PLCL1: variants seen among roughly 807,000 people sequenced by gnomAD.
PLCL1 encodes inactive phospholipase C-like protein 1.
Under a neutral mutation model 84.4 loss-of-function variants are expected in PLCL1, and 41 were observed. The observed-to-expected ratio is 0.49, with a 90% CI of 0.38 to 0.63. The LOEUF (loss-of-function observed/expected upper bound fraction) is 0.63, where lower values mean the gene tolerates loss of function less well. Among genes scored for constraint, PLCL1 ranks in the 30% least tolerant of loss-of-function variants. PLCL1 has a pLI of 0.00. For synonymous variants in PLCL1, 490 were observed against 488.3 expected, an observed-to-expected ratio of 1.00 and a Z score of -0.05; for missense variants, 1,206 against 1,367.8, an observed-to-expected ratio of 0.88 and a Z score of 1.87.
intron 1 of PLCL1, among the ~76,000 whole-genome samples, chr2:198,023,800 G>C (rs144585574): frequency 0.04 from 6,127 of 152,260 alleles, 177 homozygotes; most frequent in Non-Finnish European, 0.059. Flanking sequence ...CTGTTGGTGG[G>C]AGTGTAAATT....
rs184741659 is a variant in PLCL1, at chr2:198,023,725, A to G, written c.241-60033A>G. 7.3e-3 allele frequency among the ~76,000 whole-genome samples: 1,119 copies of G among 152,332 alleles called. 18 individuals carry two copies. The highest frequency in any genetic ancestry group is 0.026 in the African/African-American group (1,079 of 41,570). On this transcript the variant is annotated intron_variant, in intron 1 of 5. Transcript: ENST00000428675. ...CCATCTCATGCCAGTTAGAATGGCA[A>G]TCATTAAAAAGTCAGGAAACAATAG...
intron 1 of PLCL1, among the ~76,000 whole-genome samples, chr2:197,920,024 AG>A (rs1688674567): frequency 6.6e-6 from 1 of 152,268 alleles, no homozygotes; most frequent in East Asian, 1.9e-4. Context: ...GCCTAGCCAT[AG>A]GGTGGTCATG....
chr2:198,103,961 C>A, intron 5 of PLCL1, 25 bp downstream of exon 5: 1 of 1,184,222 alleles, frequency 8.4e-7, no homozygotes, highest in Non-Finnish European at 1.2e-6. Context: ...CAGATGTCCC[C>A]TGTGCCTTTA....
chr2:197,893,500 T>A (rs931401180), intron 1 of PLCL1, among the ~76,000 whole-genome samples: 3 of 152,138 alleles, frequency 2.0e-5, no homozygotes, highest in African/African-American at 4.8e-5. Flanking sequence ...CAAAGTGAGG[T>A]CCTTCATTTG....
At chr2:198,139,742 T>C (rs560033368) in intron 5 of PLCL1, among the ~76,000 whole-genome samples, 3 of 152,240 alleles carry the variant, frequency 2.0e-5, no homozygotes, top group African/African-American at 7.2e-5. Flanking sequence ...ACAGTAATTG[T>C]TTAATAAATA....
chr2:197,977,405 T>G (rs1249472487), intron 1 of PLCL1, among the ~76,000 whole-genome samples: 1 of 152,186 alleles, frequency 6.6e-6, no homozygotes, highest in Non-Finnish European at 1.5e-5. Context: ...TGATTGGTTT[T>G]ACCACAAATA....
chr2:197,927,743 T>C (rs1688859512), intron 1 of PLCL1, among the ~76,000 whole-genome samples: 2 of 152,192 alleles, frequency 1.3e-5, no homozygotes, highest in Non-Finnish European at 2.9e-5. Context: ...AAACTTTTGA[T>C]TCAAGTGTGC....
At chr2:197,843,872 C>T (rs1687066624) in intron 1 of PLCL1, among the ~76,000 whole-genome samples, 2 of 152,168 alleles carry the variant, frequency 1.3e-5, no homozygotes, top group South Asian at 4.1e-4. Context: ...ATAATGCTAA[C>T]ATTAATCATG....
intron 1 of PLCL1, among the ~76,000 whole-genome samples, chr2:198,031,565 A>G (rs773109275): frequency 6.6e-6 from 1 of 151,218 alleles, no homozygotes; most frequent in Non-Finnish European, 1.5e-5. Context: ...ATCAGAGCTC[A>G]CTGCAGCCTT....
At chr2:197,809,268 A>G (rs981995476) in intron 1 of PLCL1, among the ~76,000 whole-genome samples, 2 of 152,216 alleles carry the variant, frequency 1.3e-5, no homozygotes, top group Non-Finnish European at 2.9e-5. Flanking sequence ...AGGAAGGCAC[A>G]GAGAGCTACT....
intron 1 of PLCL1, among the ~76,000 whole-genome samples, chr2:197,942,513 C>T (rs1689178691): frequency 6.6e-6 from 1 of 152,172 alleles, no homozygotes; most frequent in African/African-American, 2.4e-5. Flanking sequence ...ATTATGAAAT[C>T]AATTTCTCCC....
At chr2:197,975,390 A>T (rs1011646111) in intron 1 of PLCL1, among the ~76,000 whole-genome samples, 6 of 152,176 alleles carry the variant, frequency 3.9e-5, no homozygotes, top group African/African-American at 1.4e-4. Flanking sequence ...TACAATTTTC[A>T]TTCTGCCAGG....
intron 1 of PLCL1, among the ~76,000 whole-genome samples, chr2:198,040,887 T>C (rs763429918): frequency 2.0e-5 from 3 of 152,154 alleles, no homozygotes; most frequent in Non-Finnish European, 4.4e-5. Context: ...ACCAAAGGAC[T>C]ATGTGAATAG....
At chr2:197,945,719 G>A (rs1333704519) in intron 1 of PLCL1, among the ~76,000 whole-genome samples, 1 of 152,096 alleles carries the variant, frequency 6.6e-6, no homozygotes, top group African/African-American at 2.4e-5. Context: ...TTGTTTTGAG[G>A]ATTAAATGAG....
intron 1 of PLCL1, among the ~76,000 whole-genome samples, chr2:197,848,265 C>T (rs976016607): frequency 6.6e-6 from 1 of 151,980 alleles, no homozygotes; most frequent in African/African-American, 2.4e-5. Flanking sequence ...CATTAACCAC[C>T]GAATTCTGAC....
chr2:198,112,098 T>C (rs1574320866), intron 5 of PLCL1, among the ~76,000 whole-genome samples: 1 of 151,920 alleles, frequency 6.6e-6, no homozygotes, highest in South Asian at 2.1e-4. Context: ...TAGTGGAAAA[T>C]AGAATGAATT....
At position 198,085,141 on chromosome 2, in the gene PLCL1, A is replaced by G. The variant is rs1194839233; in HGVS notation, c.1624A>G (p.Lys542Glu). ...AAAAAGAATGATCATTGTGAAAGGA[A>G]AGAAGTTGCCTTCTGATCCAGATGT... ...KLKRMIIVKG[K>E]KLPSDPDVLE... Residue 542 changes from lysine to glutamate, a missense_variant, in exon 2 of 6, where the codon AAG becomes GAG. Transcript: ENST00000428675. This position sits in a 1 kb window ranked among gnomAD's most constrained non-coding sequence, Gnocchi z 5.3. 1 of 1,614,070 alleles carries G rather than the reference A, an allele frequency of 6.2e-7. No individual in the cohort carries two copies. The highest frequency in any genetic ancestry group is 1.1e-5 in the South Asian group (1 of 91,066).
chr2:197,840,545 G>A (rs1448765795), intron 1 of PLCL1, among the ~76,000 whole-genome samples: 1 of 151,934 alleles, frequency 6.6e-6, no homozygotes, highest in South Asian at 2.1e-4. Flanking sequence ...GGAGACTGAG[G>A]GTGGGTAAGG....
rs1275023058 is a variant in PLCL1 at position 197,805,684 on chromosome 2, T to C, written c.240+345T>C. On this transcript the variant is annotated intron_variant, in intron 1 of 5. Coordinates refer to ENST00000428675, the MANE Select transcript of PLCL1 (RefSeq NM_006226.4). The surrounding 1 kb of genome is among the most constrained non-coding windows in gnomAD (Gnocchi z 4.0). ...TAAATGCAGACCCACCGGATGGTTG[T>C]GCATTGCTTTCCAATGAAGGGTTAG... Among the ~76,000 whole-genome samples the C allele has an allele frequency of 6.6e-6, 1 of 152,190 alleles. No individual in the cohort carries two copies. Among genetic ancestry groups the C allele is most frequent in the Non-Finnish European group, 1.5e-5 (1 of 68,028 alleles).
Sources: gnomAD v4.1 joint callset for allele counts (sites outside exome capture counted in the v4.1 genomes callset) on GRCh38, gnomAD v4.1.1 for gene constraint, Gnocchi (gnomAD v3.1) non-coding constraint, MANE v1.5 for transcripts, NCBI Gene and HGNC (gene_info 2026-07-23, HGNC 2026-07-21) for gene names.